Variants in CDH18 observed in about 807,000 individuals in gnomAD.
CDH18 encodes cadherin-18.
A neutral mutation model predicts 67.9 loss-of-function variants in CDH18; 31 were observed. The ratio of observed to expected loss-of-function variants is 0.46; its 90% confidence interval spans 0.34 to 0.62. The LOEUF (loss-of-function observed/expected upper bound fraction) is 0.62. Ranked by LOEUF, CDH18 falls within the 20% of genes least tolerant of loss-of-function variation. CDH18 has a pLI of 0.01. For missense variants in CDH18, 890 were observed against 975.5 expected (o/e 0.91, Z 1.17); for synonymous variants, 362 against 347.2 (o/e 1.04, Z -0.48).
At chr5:19,556,146 C>T (rs1738367313) in intron 8 of CDH18, among the ~76,000 whole-genome samples, 1 of 152,138 alleles carries the variant, frequency 6.6e-6, no homozygotes. Context: ...CACATCTTCC[C>T]TCTGACATAG....
At chr5:19,892,551 T>G (rs1788888482) in intron 2 of CDH18, among the ~76,000 whole-genome samples, 1 of 152,156 alleles carries the variant, frequency 6.6e-6, no homozygotes, top group East Asian at 1.9e-4. Context: ...CTGGTATTTA[T>G]GTACCTGTAT....
At chr5:19,839,856 G>C (rs2150028721) in intron 2 of CDH18, among the ~76,000 whole-genome samples, 1 of 152,156 alleles carries the variant, frequency 6.6e-6, no homozygotes, top group African/African-American at 2.4e-5. Context: ...ACATTACTAG[G>C]CTTGATTTCT....
intron 5 of CDH18, among the ~76,000 whole-genome samples, chr5:19,630,096 C>T (rs1299346562): frequency 1.3e-5 from 2 of 151,964 alleles, no homozygotes; most frequent in African/African-American, 4.8e-5. Flanking sequence ...TTCACCATGA[C>T]CGGCTAATTT....
intron 2 of CDH18, among the ~76,000 whole-genome samples, chr5:20,010,181 T>TGTGG (rs1338184702): frequency 3.3e-5 from 5 of 151,690 alleles, no homozygotes; most frequent in Non-Finnish European, 7.4e-5. Context: ...TGTGTGTGTG[T>TGTGG]GTGTGTGTGT....
chr5:19,598,927 A>C (rs2150057158), intron 6 of CDH18, among the ~76,000 whole-genome samples: 1 of 152,278 alleles, frequency 6.6e-6, no homozygotes, highest in South Asian at 2.1e-4. Flanking sequence ...TATTTATAAC[A>C]AAGGGTTATT....
At chr5:20,312,428 T>G (rs1380020905) in intron 1 of CDH18, among the ~76,000 whole-genome samples, 1 of 152,110 alleles carries the variant, frequency 6.6e-6, no homozygotes, top group East Asian at 1.9e-4. Flanking sequence ...AGACAAAAAG[T>G]CACCATAAGG....
At chr5:19,904,031 T>C (rs982394001) in intron 2 of CDH18, among the ~76,000 whole-genome samples, 1 of 151,842 alleles carries the variant, frequency 6.6e-6, no homozygotes, top group Non-Finnish European at 1.5e-5. Flanking sequence ...CCCAGCACTT[T>C]GGGAGGCCGA....
intron 2 of CDH18, among the ~76,000 whole-genome samples, chr5:19,959,049 A>G (rs894968877): frequency 6.6e-6 from 1 of 152,126 alleles, no homozygotes; most frequent in African/African-American, 2.4e-5. Context: ...GTTTTTTAAA[A>G]TATAGCAGTC....
At chr5:20,023,793 G>A (rs539018099) in intron 2 of CDH18, among the ~76,000 whole-genome samples, 2 of 152,230 alleles carry the variant, frequency 1.3e-5, no homozygotes, top group African/African-American at 4.8e-5. Context: ...CAAAACTGAG[G>A]CACTGAATGA....
intron 2 of CDH18, among the ~76,000 whole-genome samples, chr5:19,974,770 G>A (rs1000288392): frequency 1.8e-4 from 28 of 152,136 alleles, no homozygotes; most frequent in East Asian, 1.5e-3. Context: ...TCACTGTCCC[G>A]TTGATTTAGC....
intron 7 of CDH18, among the ~76,000 whole-genome samples, chr5:19,589,290 G>A (rs188825014): frequency 1.1e-4 from 17 of 152,124 alleles, no homozygotes; most frequent in African/African-American, 2.4e-4. Flanking sequence ...CCTGAACAGC[G>A]TCCCTTGGGA....
At chr5:20,300,480 A>G (rs950991039) in intron 1 of CDH18, among the ~76,000 whole-genome samples, 6 of 152,036 alleles carry the variant, frequency 3.9e-5, no homozygotes, top group African/African-American at 7.2e-5. Context: ...CAATTTTAAC[A>G]TACTTTTTAG....
intron 2 of CDH18, among the ~76,000 whole-genome samples, chr5:20,164,158 C>T (rs2126622894): frequency 6.6e-6 from 1 of 152,304 alleles, no homozygotes; most frequent in African/African-American, 2.4e-5. Flanking sequence ...TGTTGTTTAT[C>T]ATACAGAAAC....
chr5:20,190,273 T>A (rs1462493241), intron 2 of CDH18, among the ~76,000 whole-genome samples: 2 of 152,168 alleles, frequency 1.3e-5, no homozygotes, highest in Non-Finnish European at 2.9e-5. Context: ...TTCAGTTACA[T>A]CAATCCTTGG....
chr5:20,538,281 C>G (rs1581168980), intron 1 of CDH18, among the ~76,000 whole-genome samples: 1 of 152,110 alleles, frequency 6.6e-6, no homozygotes, highest in African/African-American at 2.4e-5. Context: ...CAAAACTACT[C>G]CTAATTAAAT....
chr5:19,643,185 A>T (rs1004999831), intron 5 of CDH18, among the ~76,000 whole-genome samples: 3 of 152,046 alleles, frequency 2.0e-5, no homozygotes, highest in Admixed American at 6.6e-5. Flanking sequence ...AATAAATGAT[A>T]ATTATTGGCG....
At chr5:19,704,656 T>A (rs1433927814) in intron 5 of CDH18, among the ~76,000 whole-genome samples, 2 of 152,182 alleles carry the variant, frequency 1.3e-5, no homozygotes, top group East Asian at 3.9e-4. Flanking sequence ...TTAAAATGGT[T>A]AACAGATAAG....
At chr5:20,524,880 T>C (rs1301294508) in intron 1 of CDH18, among the ~76,000 whole-genome samples, 1 of 152,162 alleles carries the variant, frequency 6.6e-6, no homozygotes, top group African/African-American at 2.4e-5. Flanking sequence ...AGAAGGAGGA[T>C]ATAACCTAGC....
At chr5:19,755,448 T>TATATATACAC (rs1554024355) in intron 3 of CDH18, among the ~76,000 whole-genome samples, 22 of 10,556 alleles carry the variant, frequency 2.1e-3, no homozygotes, top group Admixed American at 0.014. Flanking sequence ...TATATATATA[T>TATATATACAC]ATATATATAT....
Sources: gnomAD v4.1 joint callset for allele counts (sites outside exome capture counted in the v4.1 genomes callset) on GRCh38, gnomAD v4.1.1 for gene constraint, MANE v1.5 for transcripts, NCBI Gene and HGNC (gene_info 2026-07-23, HGNC 2026-07-21) for gene names.